The following MROH7 variants were observed in gnomAD, a reference collection of about 807,000 sequenced individuals.
MROH7 encodes maestro heat like repeat family member 7, also known as maestro heat-like repeat-containing protein family member 7.
In MROH7, 113 loss-of-function variants were observed where a neutral mutation model predicts 129.2. The ratio of observed to expected loss-of-function variants is 0.87; its 90% CI spans 0.75 to 1.02. The LOEUF (loss-of-function observed/expected upper bound fraction) is 1.02, where lower values mean the gene tolerates loss of function less well. Among genes scored for constraint, MROH7 ranks in the 50% least tolerant of loss-of-function variants. MROH7 has a pLI of 0.00. For missense variants in MROH7, 1,601 were observed against 1,671.3 expected (o/e 0.96, Z 0.73); for synonymous variants, 655 against 667.9 (o/e 0.98, Z 0.30).
chr1:54,701,442 T>C (rs1189025918), intron 19 of MROH7, 120 bp downstream of exon 19: 16 of 809,510 alleles, frequency 2.0e-5, no homozygotes, highest in Admixed American at 3.3e-5. Flanking sequence ...GTCAGCCTAC[T>C]GGGAGAGGAA....
At chr1:54,689,331 G>C (rs1348128737) in intron 15 of MROH7, among the ~76,000 whole-genome samples, 2 of 152,190 alleles carry the variant, frequency 1.3e-5, no homozygotes, top group African/African-American at 4.8e-5. Context: ...TTCTCCCCTG[G>C]ACTCTTCAGA....
intron 22 of MROH7, among the ~76,000 whole-genome samples, chr1:54,707,800 A>G (rs1359358531): frequency 2.6e-5 from 4 of 152,028 alleles, no homozygotes; most frequent in Non-Finnish European, 5.9e-5. Flanking sequence ...CTTTTTTGTG[A>G]TACTCTGAAG....
intron 13 of MROH7, among the ~76,000 whole-genome samples, chr1:54,680,277 G>C (rs1179933236): frequency 6.6e-6 from 1 of 152,190 alleles, no homozygotes; most frequent in Non-Finnish European, 1.5e-5. Context: ...CTGCAGATGA[G>C]GAAACCAAGG....
chr1:54,688,779 G>A (rs1645189948), intron 15 of MROH7, among the ~76,000 whole-genome samples: 1 of 152,178 alleles, frequency 6.6e-6, no homozygotes, highest in African/African-American at 2.4e-5. Context: ...AGGCTGACGG[G>A]CTCTGGGGAA....
At chr1:54,670,655 T>TA in intron 6 of MROH7, 79 bp downstream of exon 6, 1 of 1,455,016 alleles carries the variant, frequency 6.9e-7, no homozygotes, top group Non-Finnish European at 9.4e-7. Context: ...CTCTTCGCTG[T>TA]ACCCTCCCCC....
intron 15 of MROH7, among the ~76,000 whole-genome samples, chr1:54,691,541 C>T (rs1452772600): frequency 1.3e-5 from 2 of 152,182 alleles, no homozygotes; most frequent in African/African-American, 4.8e-5. Context: ...TGCTGTGGCT[C>T]ATGCCTCTAA....
chr1:54,642,055 G>C (rs532345735), intron 1 of MROH7, 87 bp downstream of exon 1: 13 of 152,356 alleles, frequency 8.5e-5, no homozygotes, highest in East Asian at 7.7e-4. Context: ...CTGGGAGTTG[G>C]GGGGAGGTGA....
intron 1 of MROH7, among the ~76,000 whole-genome samples, chr1:54,648,825 G>A (rs898059529): frequency 2.0e-5 from 3 of 152,150 alleles, no homozygotes; most frequent in Admixed American, 6.5e-5. Flanking sequence ...ATGAAGAAAT[G>A]GGGAGAGATT....
chr1:54,705,073 CA>C (rs1477981848), intron 21 of MROH7, among the ~76,000 whole-genome samples: 2 of 152,144 alleles, frequency 1.3e-5, no homozygotes, highest in Non-Finnish European at 2.9e-5. Flanking sequence ...GCTGGGATTA[CA>C]GGTGTGAGCC....
chr1:54,653,511 G>GCCAAGCTCAAAAGCACTCCTTATT lies in MROH7; in HGVS notation c.590_613dup (p.Ser197_Pro204dup). ...TGGTTCTGGGCCACTGCATCTCTAG[G>GCCAAGCTCAAAAGCACTCCTTATT]CCAAGCTCAAAAGCACTCCTTATTC... On this transcript the variant is annotated inframe_insertion, in exon 3 of 24. Transcript: ENST00000421030. 1.2e-6 allele frequency: 2 copies of GCCAAGCTCAAAAGCACTCCTTATT among 1,614,070 alleles called. No individual in the cohort carries two copies. Among genetic ancestry groups the GCCAAGCTCAAAAGCACTCCTTATT allele is most frequent in the Non-Finnish European group, 8.5e-7 (1 of 1,180,032 alleles).
chr1:54,695,883 A>T (rs80194819), intron 17 of MROH7: 2 of 321,836 alleles, frequency 6.2e-6, no homozygotes, highest in African/African-American at 4.3e-5. Context: ...TGATGGGGCC[A>T]TCTAGGCTGT....
chr1:54,671,368 C>A (rs1644902078), intron 7 of MROH7, among the ~76,000 whole-genome samples: 1 of 152,238 alleles, frequency 6.6e-6, no homozygotes, highest in African/African-American at 2.4e-5. Context: ...CCACTGCACT[C>A]CAGCCTGGGC....
At chr1:54,699,120 T>C (rs1364637574) in intron 17 of MROH7, 2 of 88,124 alleles carry the variant, frequency 2.3e-5, no homozygotes, top group Non-Finnish European at 4.8e-5. Flanking sequence ...CTTTCTTTCT[T>C]TCTTTCTTTC....
rs369158134 is a variant in MROH7 at position 54,679,971 on chromosome 1, C to T, written c.2307C>T (p.Pro769=). 185 of 1,613,886 alleles carry T rather than the reference C, an allele frequency of 1.1e-4. No individual in the cohort carries two copies. The highest frequency in any genetic ancestry group is 6.6e-4 in the Middle Eastern group (4 of 6,080). The stretch of plus-strand genomic sequence containing the variant: ...GGGCCCGCCAGGTGGCCCTGCTGCC[C>T]GTCTCCCTCCTGGCTAGCTCCTTCA... The part of the protein sequence containing the change: ...EPRARQVALL[P]VSLLASSFMT... Residue 769 remains proline, a synonymous_variant, in exon 13 of 24, where the codon CCC becomes CCT. Transcript: ENST00000421030.
intron 3 of MROH7, among the ~76,000 whole-genome samples, chr1:54,659,387 A>G (rs1263723710): frequency 6.6e-6 from 1 of 151,428 alleles, no homozygotes; most frequent in East Asian, 1.9e-4. Context: ...GGTTCAAGCA[A>G]TTCTCCTGCC....
chr1:54,687,160 G>A (rs1461829219), intron 15 of MROH7, among the ~76,000 whole-genome samples: 9 of 151,992 alleles, frequency 5.9e-5, no homozygotes, highest in Admixed American at 4.6e-4. Flanking sequence ...TGCAACCTCC[G>A]TCTCCTGGGT....
chr1:54,663,710 AAAC>A (rs1452755814), intron 3 of MROH7: 1 of 415,616 alleles, frequency 2.4e-6, no homozygotes, highest in South Asian at 1.7e-5. Context: ...AACAAAAAAA[AAAC>A]AAGCTTTTGT....
chr1:54,663,241 A>G lies in MROH7; in HGVS notation c.1232-1926A>G, dbSNP rs115659840. Among the ~76,000 whole-genome samples the G allele has an allele frequency of 9.4e-3, 1,430 of 152,270 alleles. 20 individuals are homozygous for G. The highest frequency in any genetic ancestry group is 0.014 in the Non-Finnish European group (931 of 68,026). On this transcript the variant is annotated intron_variant, in intron 3 of 23. Coordinates refer to ENST00000421030, the MANE Select transcript of MROH7 (RefSeq NM_001039464.4). The stretch of plus-strand genomic sequence containing the variant: ...GTATGGACTCAAGGTTTGTTAGTTT[A>G]TTCAATGGGCTATAATCCGTTTTTT...
At chr1:54,702,877 C>T (rs566618536) in intron 21 of MROH7, 132 bp downstream of exon 21, 43 of 1,092,782 alleles carry the variant, frequency 3.9e-5, no homozygotes, top group African/African-American at 1.1e-4. Flanking sequence ...GGTTCTGGAA[C>T]GTTCCTCTCC....
Sources: allele counts gnomAD v4.1 joint callset (sites outside exome capture counted in the v4.1 genomes callset), GRCh38; gene constraint gnomAD v4.1.1; transcripts MANE v1.5; gene names NCBI Gene and HGNC (gene_info 2026-07-23, HGNC 2026-07-21).